CDK8: variants seen among roughly 807,000 people sequenced by gnomAD.
CDK8 encodes the protein cyclin-dependent kinase 8.
A neutral mutation model predicts 71.5 loss-of-function variants in CDK8; 29 were observed. The observed-to-expected ratio is 0.41, with a 90% CI of 0.30 to 0.55. The LOEUF is 0.55. CDK8 is among the 20% of genes least tolerant of loss of function. CDK8 has a pLI of 0.37. For missense variants in CDK8, 288 were observed against 572.6 expected (o/e 0.50, Z 5.07); for synonymous variants, 161 against 192.1 (o/e 0.84, Z 1.34).
chr13:26,259,146 A>G (rs1012821143), intron 1 of CDK8, among the ~76,000 whole-genome samples: 2 of 152,188 alleles, frequency 1.3e-5, no homozygotes, highest in African/African-American at 4.8e-5. Context: ...GCCAAATACA[A>G]TATGTAATTT....
At chr13:26,355,921 A>G (rs967306602) in intron 4 of CDK8, among the ~76,000 whole-genome samples, 2 of 152,204 alleles carry the variant, frequency 1.3e-5, no homozygotes, top group African/African-American at 4.8e-5. Flanking sequence ...TTTAAAACCA[A>G]TATTTAAATT....
At chr13:26,281,842 A>G in intron 1 of CDK8, among the ~76,000 whole-genome samples, 1 of 152,118 alleles carries the variant, frequency 6.6e-6, no homozygotes, top group South Asian at 2.1e-4. Context: ...TAAATATTGT[A>G]TTCCAGAGAA....
chr13:26,388,523 C>G (rs1380622294), intron 6 of CDK8, among the ~76,000 whole-genome samples: 1 of 152,134 alleles, frequency 6.6e-6, no homozygotes, highest in East Asian at 1.9e-4. Context: ...ACAAACTATA[C>G]AAATAAGAAA....
Position 26,352,200 on chromosome 13 carries a change from ATCT to A in CDK8, c.316-1532_316-1530del, listed in dbSNP as rs538059227. On this transcript the variant is annotated intron_variant, in intron 3 of 12. Transcript: ENST00000381527. ...TATTAAGCTTGGAGAGAGCCAAAGA[ATCT>A]TCTTCTTGTTTTTTTTGTTTGTTTG... Among the ~76,000 whole-genome samples, 625 of 151,764 alleles carry A rather than the reference ATCT, an allele frequency of 4.1e-3. 5 individuals are homozygous for A. Among genetic ancestry groups the A allele is most frequent in the African/African-American group, 0.014 (562 of 41,420 alleles).
chr13:26,326,793 CA>C (rs1875039415), intron 1 of CDK8, among the ~76,000 whole-genome samples: 7 of 152,122 alleles, frequency 4.6e-5, no homozygotes, highest in Admixed American at 3.3e-4. Context: ...AATGATGCTT[CA>C]AAAATAGCCA....
chr13:26,369,649 C>T (rs1308438249), intron 4 of CDK8, among the ~76,000 whole-genome samples: 4 of 149,508 alleles, frequency 2.7e-5, no homozygotes, highest in African/African-American at 4.9e-5. Context: ...CTACCTCAGC[C>T]TCCCGAGTAG....
At chr13:26,304,698 G>A (rs1339603222) in intron 1 of CDK8, among the ~76,000 whole-genome samples, 2 of 152,062 alleles carry the variant, frequency 1.3e-5, no homozygotes, top group Non-Finnish European at 2.9e-5. Flanking sequence ...ATGCAGTGGT[G>A]TGATCAGAGT....
chr13:26,277,683 C>T (rs1411002078), intron 1 of CDK8, among the ~76,000 whole-genome samples: 1 of 152,072 alleles, frequency 6.6e-6, no homozygotes, highest in Non-Finnish European at 1.5e-5. Context: ...TAAATCTCAG[C>T]CTGATGAACT....
At chr13:26,330,784 G>A (rs1875278637) in intron 1 of CDK8, among the ~76,000 whole-genome samples, 2 of 152,122 alleles carry the variant, frequency 1.3e-5, no homozygotes, top group South Asian at 4.1e-4. Context: ...TTGTGTGTGT[G>A]TGGTTGAATA....
At chr13:26,392,081 G>A (rs1284372961) in intron 6 of CDK8, among the ~76,000 whole-genome samples, 1 of 152,104 alleles carries the variant, frequency 6.6e-6, no homozygotes, top group Non-Finnish European at 1.5e-5. Flanking sequence ...CATGTGTTGA[G>A]GGTCTGCTAT....
chr13:26,308,883 A>G (rs1417536189), intron 1 of CDK8, among the ~76,000 whole-genome samples: 1 of 152,218 alleles, frequency 6.6e-6, no homozygotes, highest in African/African-American at 2.4e-5. Flanking sequence ...ACAGTATCAC[A>G]TAATGGCTAC....
At chr13:26,351,564 T>C (rs1873681317) in intron 3 of CDK8, among the ~76,000 whole-genome samples, 1 of 152,194 alleles carries the variant, frequency 6.6e-6, no homozygotes, top group Non-Finnish European at 1.5e-5. Context: ...GATAGTATAA[T>C]ATTTCACTCA....
chr13:26,312,717 C>T (rs566296371), intron 1 of CDK8, among the ~76,000 whole-genome samples: 7 of 152,280 alleles, frequency 4.6e-5, no homozygotes, highest in South Asian at 4.1e-4. Flanking sequence ...GAACCAATTC[C>T]GGGCACAGAG....
At chr13:26,361,357 G>A (rs1874129349) in intron 4 of CDK8, among the ~76,000 whole-genome samples, 1 of 152,106 alleles carries the variant, frequency 6.6e-6, no homozygotes, top group African/African-American at 2.4e-5. Flanking sequence ...TTGACTTACA[G>A]TGGGGTTCCA....
intron 4 of CDK8, among the ~76,000 whole-genome samples, chr13:26,377,701 T>G (rs1391428185): frequency 1.3e-5 from 2 of 152,184 alleles, no homozygotes; most frequent in Admixed American, 6.5e-5. Context: ...TTATAAAGAT[T>G]TCATCACTGG....
At chr13:26,303,466 A>G (rs1001794132) in intron 1 of CDK8, among the ~76,000 whole-genome samples, 6 of 152,096 alleles carry the variant, frequency 3.9e-5, no homozygotes, top group East Asian at 1.9e-4. Flanking sequence ...ACGCCTGGCT[A>G]ATTTTTGTAT....
chr13:26,394,635 C>T (rs536446776), intron 7 of CDK8, among the ~76,000 whole-genome samples: 1 of 152,156 alleles, frequency 6.6e-6, no homozygotes, highest in South Asian at 2.1e-4. Context: ...ATTTCTGAGC[C>T]CACGGGAAAG....
In CDK8 at chr13:26,337,617, C is replaced by T. The variant is rs1873048510; in HGVS notation, c.179C>T (p.Ser60Phe). Residue 60 changes from serine (S) to phenylalanine (F), a missense_variant, in exon 2 of 13, where the codon TCT (serine) becomes TTT (phenylalanine). Transcript: ENST00000381527. ...AAACAAATAGAAGGAACTGGGATCT[C>T]TATGTCGGCATGTAGAGAAATAGCA... The part of the protein sequence containing the change: ...ALKQIEGTGI[S>F]MSACREIALL... 6.9e-7 allele frequency: 1 copy of T among 1,451,552 alleles called. No individual in the cohort carries two copies. Among genetic ancestry groups the T allele is most frequent in the Admixed American group, 2.5e-5 (1 of 39,254 alleles). The allele number at this position is 1,451,552 out of a possible 1,614,324, so 89.9% of individuals were successfully genotyped here. A position where few individuals can be genotyped will look rare whatever the true frequency, so the allele number is the denominator to read the frequency against.
chr13:26,305,223 C>T (rs540481254), intron 1 of CDK8, among the ~76,000 whole-genome samples: 1 of 152,150 alleles, frequency 6.6e-6, no homozygotes, highest in African/African-American at 2.4e-5. Context: ...AAGGATATTT[C>T]TCTTGGTATA....
Sources: allele counts gnomAD v4.1 joint callset (sites outside exome capture counted in the v4.1 genomes callset), GRCh38; gene constraint gnomAD v4.1.1; transcripts MANE v1.5; gene names NCBI Gene and HGNC (gene_info 2026-07-23, HGNC 2026-07-21).